The following RPS3 variants were observed in gnomAD, a reference collection of about 807,000 sequenced individuals.
RPS3 encodes the protein ribosomal protein S3, also known as small ribosomal subunit protein uS3.
In RPS3, 2 loss-of-function variants were observed where a neutral mutation model predicts 25.8. The observed-to-expected ratio is 0.08, with a 90% CI of 0.03 to 0.24. The LOEUF is 0.24. Ranked by LOEUF, RPS3 falls within the 10% of genes least tolerant of loss-of-function variation. RPS3 has a pLI of 1.00. For missense variants in RPS3, 107 were observed against 307.1 expected, an observed-to-expected ratio of 0.35 and a Z score of 4.87; for synonymous variants, 114 against 114.2, an observed-to-expected ratio of 1.00 and a Z score of 0.01.
downstream of RPS3, among the ~76,000 whole-genome samples, chr11:75,410,150 C>G (rs902615183): frequency 6.6e-6 from 1 of 150,558 alleles, no homozygotes; most frequent in Non-Finnish European, 1.5e-5. Flanking sequence ...GACGGGGCGG[C>G]TGGCCGGGCG....
At position 75,401,630 on chromosome 11, in the gene RPS3, T is replaced by TCC. The variant is rs750848881; in HGVS notation, c.162-4_162-3dup. The TCC allele has an allele frequency of 6.3e-7, 1 of 1,582,676 alleles. No homozygotes were observed. The highest frequency in any genetic ancestry group is 8.7e-7 in the Non-Finnish European group (1 of 1,151,592). ...TGTGAGAATCTTGAATTGTCACTTTTCCCCCCCAGAACACAGAATGTTCTT... is the reference window on the plus strand; with the variant it reads ...TGTGAGAATCTTGAATTGTCACTTTTCCCCCCCCCAGAACACAGAATGTTCTT... On this transcript the variant is annotated splice_polypyrimidine_tract_variant and intron_variant, in intron 2 of 6. Transcript: ENST00000531188.
chr11:75,415,009 A>C (rs573924422), intron 6 of RPS3, among the ~76,000 whole-genome samples: 1 of 152,342 alleles, frequency 6.6e-6, no homozygotes, highest in South Asian at 2.1e-4. Context: ...GGGAGGTCCA[A>C]GAAATTTCAG....
chr11:75,400,068 A>T (rs548967257), intron 1 of RPS3, among the ~76,000 whole-genome samples: 1 of 152,194 alleles, frequency 6.6e-6, no homozygotes, highest in Non-Finnish European at 1.5e-5. Flanking sequence ...ACGCCTTGTC[A>T]TTACATGGGA....
chr11:75,417,919 C>A (rs1340998120), intron 6 of RPS3, among the ~76,000 whole-genome samples: 1 of 152,238 alleles, frequency 6.6e-6, no homozygotes, highest in Non-Finnish European at 1.5e-5. Context: ...GATCAGCTTA[C>A]TACTGTGTGA....
At position 75,404,071 on chromosome 11, in the gene RPS3, C is replaced by T. The variant is rs769363069; in HGVS notation, c.402C>T (p.Cys134=). 27 of 1,613,374 alleles carry T rather than the reference C, an allele frequency of 1.7e-5. No individual in the cohort carries two copies. The highest frequency in any genetic ancestry group is 2.2e-5 in the South Asian group (2 of 91,048). The change falls in exon 5 of 7, where the codon TGC becomes TGT. Residue 134 remains cysteine, a synonymous_variant. Transcript: ENST00000531188. This position sits in a 1 kb window ranked among gnomAD's most constrained non-coding sequence, Gnocchi z 4.6. ...TCATGGAGAGTGGGGCCAAAGGCTG[C>T]GAGGTTGTGGTGTCTGGGAAACTCC... ...RFIMESGAKG[C]EVVVSGKLRG...
At chr11:75,403,907 G>C in intron 4 of RPS3, 113 bp from the exon 5 acceptor site, 1 of 993,860 alleles carries the variant, frequency 1.0e-6, no homozygotes, top group Non-Finnish European at 1.5e-6. Flanking sequence ...GCCGGACTCT[G>C]GTCAAATTAT....
downstream of RPS3, among the ~76,000 whole-genome samples, chr11:75,408,802 C>T (rs574432079): frequency 9.5e-4 from 144 of 152,316 alleles, no homozygotes; most frequent in Non-Finnish European, 1.3e-3. Context: ...TCCCAAAGTG[C>T]TGGGATTACA....
chr11:75,417,825 C>T (rs1365954519), intron 6 of RPS3, among the ~76,000 whole-genome samples: 1 of 152,188 alleles, frequency 6.6e-6, no homozygotes, highest in Admixed American at 6.5e-5. Context: ...TGGTGTGCCC[C>T]AGGTGCAGGA....
chr11:75,401,343 A>G (rs1464916745), intron 2 of RPS3, among the ~76,000 whole-genome samples: 1 of 152,170 alleles, frequency 6.6e-6, no homozygotes, highest in East Asian at 1.9e-4. Context: ...CCCGCTCTAC[A>G]AAAAATAAAA....
chr11:75,409,378 G>GT (rs1312720742), downstream of RPS3, among the ~76,000 whole-genome samples: 18 of 136,972 alleles, frequency 1.3e-4, no homozygotes, highest in Non-Finnish European at 2.0e-4. Flanking sequence ...TTAGGGAGTG[G>GT]TGATGCCTCT....
chr11:75,400,917 C>T (rs989198443), intron 2 of RPS3, 93 bp downstream of exon 2: 3 of 1,432,360 alleles, frequency 2.1e-6, no homozygotes, highest in African/African-American at 2.9e-5. Context: ...GAGTCTTGCT[C>T]TGTCCCCAAA....
intron 6 of RPS3, among the ~76,000 whole-genome samples, chr11:75,416,689 G>A (rs532409227): frequency 9.2e-4 from 140 of 151,976 alleles, no homozygotes; most frequent in African/African-American, 3.3e-3. Context: ...AACTCCCAAC[G>A]TGTGGTGATC....
At chr11:75,415,290 G>T (rs1366829284) in intron 6 of RPS3, among the ~76,000 whole-genome samples, 1 of 152,198 alleles carries the variant, frequency 6.6e-6, no homozygotes, top group Non-Finnish European at 1.5e-5. Context: ...GGGCTGTTGT[G>T]GGAGTTAAAG....
downstream of RPS3, among the ~76,000 whole-genome samples, chr11:75,407,389 C>T (rs938844733): frequency 1.2e-4 from 18 of 152,238 alleles, no homozygotes; most frequent in Admixed American, 9.2e-4. Context: ...CCCCCCACCT[C>T]GGCCTTCCAG....
At chr11:75,410,074 C>T (rs1381861189), downstream of RPS3, among the ~76,000 whole-genome samples, 3 of 139,896 alleles carry the variant, frequency 2.1e-5, no homozygotes, top group South Asian at 2.2e-4. Flanking sequence ...GGGGCTGACC[C>T]CCCCCTCCCC....
rs11236421 is a variant in RPS3, at chr11:75,401,637, C to T, written c.162-3C>T. 18,361 of 1,597,172 alleles carry T rather than the reference C, an allele frequency of 0.011. 132 individuals carry two copies. Among genetic ancestry groups the T allele is most frequent in the Admixed American group, 0.014 (837 of 59,958 alleles). ...ATCTTGAATTGTCACTTTTCCCCCC[C>T]AGAACACAGAATGTTCTTGGTGAGA... On this transcript the variant is annotated splice_polypyrimidine_tract_variant and splice_region_variant and intron_variant, in intron 2 of 6. Transcript: ENST00000531188.
chr11:75,404,547 GAGGCATTTGTCTGAGA>G lies in RPS3; in HGVS notation c.539-121_539-106del. 1 of 913,690 alleles carries G rather than the reference GAGGCATTTGTCTGAGA, an allele frequency of 1.1e-6. No individual in the cohort carries two copies. The highest frequency in any genetic ancestry group is 1.8e-6 in the Non-Finnish European group (1 of 540,988). The allele number at this position is 913,690 out of a possible 1,614,324, so 56.6% of individuals were successfully genotyped here. A position where few individuals can be genotyped will look rare whatever the true frequency, so the allele number is the denominator to read the frequency against. On this transcript the variant is annotated intron_variant, in intron 5 of 6. Transcript: ENST00000531188. This position sits in a 1 kb window ranked among gnomAD's most constrained non-coding sequence, Gnocchi z 4.6. Reference sequence around the variant, plus strand: ...AGTGTCCTATTTATTGATCGATTTAGAGGCATTTGTCTGAGAAGGGTCCAGACCCAGGGGTGCTTGA... The same window carrying G: ...AGTGTCCTATTTATTGATCGATTTAGAGGGTCCAGACCCAGGGGTGCTTGA...
At chr11:75,415,729 C>T (rs1023592050) in intron 6 of RPS3, among the ~76,000 whole-genome samples, 3 of 150,020 alleles carry the variant, frequency 2.0e-5, no homozygotes, top group Admixed American at 6.8e-5. Flanking sequence ...TCTCTTGAAC[C>T]TGGGAGGCAG....
In RPS3 at chr11:75,413,471, T is replaced by A. The variant is rs1281837218; in HGVS notation, c.*4-8256T>A. Among the ~76,000 whole-genome samples the A allele has an allele frequency of 3.3e-5, 5 of 152,088 alleles. No individual in the cohort carries two copies. The South Asian group carries it at 8.3e-4, about 25-fold the overall frequency. On this transcript the variant is annotated intron_variant, in intron 6 of 6. Transcript: ENST00000527446. ...CAGGGTTTCACCGTGTTAGCCAGGA[T>A]GGTCTCTATCTCCTGACCTTGTGAT...
Sources: allele counts gnomAD v4.1 joint callset (sites outside exome capture counted in the v4.1 genomes callset), GRCh38; gene constraint gnomAD v4.1.1; non-coding constraint Gnocchi (gnomAD v3.1); transcripts MANE v1.5; gene names NCBI Gene and HGNC (gene_info 2026-07-23, HGNC 2026-07-21).